Variants in MYH9 observed in about 807,000 individuals in gnomAD.
The protein encoded by MYH9 is myosin-9.
A neutral mutation model predicts 241.9 loss-of-function variants in MYH9; 29 were observed. The ratio of observed to expected loss-of-function variants is 0.12; its 90% CI spans 0.09 to 0.16. The LOEUF is 0.16. Ranked by LOEUF, MYH9 falls within the 10% of genes least tolerant of loss-of-function variation. The pLI is 1.00. For synonymous variants in MYH9, 1,047 were observed against 1,062.6 expected (o/e 0.99, Z 0.29); for missense variants, 1,803 against 2,595.5 (o/e 0.69, Z 6.63).
In MYH9 at chr22:36,285,672, T is replaced by C; in HGVS notation, c.5260A>G (p.Lys1754Glu). 2 of 1,612,524 alleles carry C rather than the reference T, an allele frequency of 1.2e-6. No individual in the cohort carries two copies. Among genetic ancestry groups the C allele is most frequent in the Non-Finnish European group, 1.7e-6 (2 of 1,179,998 alleles). The change falls in exon 37 of 41, where the codon AAG becomes GAG. Residue 1754 changes from lysine (K) to glutamate (E), a missense_variant. Physicochemically the swap from Lys to Glu is moderately conservative, Grantham distance 56. Around this residue, in one of 11 missense-constraint regions of MYH9, gnomAD observed 876 missense variants for 1,077.8 expected, o/e 0.81. Coordinates refer to ENST00000216181, the MANE Select transcript of MYH9 (RefSeq NM_002473.6). The surrounding 1 kb of genome is among the most constrained non-coding windows in gnomAD (Gnocchi z 7.0). ...NTELINDRLK[K>E]ANLQIDQINT... is the part of the protein sequence containing the mutation. ...CTGGCACCCACCTGCAGGTTGGCCT[T>C]CTTCAGCCGGTCGTTGATCAGCTCC...
At chr22:36,356,572 C>A (rs578179046) in intron 1 of MYH9, among the ~76,000 whole-genome samples, 4 of 109,354 alleles carry the variant, frequency 3.7e-5, no homozygotes, top group Admixed American at 3.6e-4. Flanking sequence ...CAGAGTGAGA[C>A]TCCATCTCAA....
chr22:36,305,014 G>A lies in MYH9; in HGVS notation c.2229+19C>T, dbSNP rs1662124927. 6.2e-7 allele frequency: 1 copy of A among 1,612,434 alleles called. No homozygotes were observed. Among genetic ancestry groups the A allele is most frequent in the Non-Finnish European group, 8.5e-7 (1 of 1,178,864 alleles). On this transcript the variant is annotated intron_variant, in intron 18 of 40. Transcript: ENST00000216181. This position sits in a 1 kb window ranked among gnomAD's most constrained non-coding sequence, Gnocchi z 4.7. ...AGGGGCTGCCCATCCAGAGAGGCAGGGACAGCAGCTCAACTCACCATGAGC... is the reference window on the plus strand; with the variant it reads ...AGGGGCTGCCCATCCAGAGAGGCAGAGACAGCAGCTCAACTCACCATGAGC...
chr22:36,288,960 G>A lies in MYH9; in HGVS notation c.4558-21C>T. On this transcript the variant is annotated intron_variant, in intron 32 of 40. Coordinates refer to ENST00000216181, the MANE Select transcript of MYH9 (RefSeq NM_002473.6). This position sits in a 1 kb window ranked among gnomAD's most constrained non-coding sequence, Gnocchi z 4.8. The stretch of plus-strand genomic sequence containing the variant: ...TGGACCTGAGCCCCAGAGAGCCCAA[G>A]TCAGGAGCAAAGGGACTGGCAGGTA... The A allele has an allele frequency of 6.2e-7, 1 of 1,613,668 alleles. No individual in the cohort carries two copies.
In MYH9 at chr22:36,320,140, C is replaced by A; in HGVS notation, c.1012+80G>T. ...CCTCTAGCAGGCTCCCCAGGCCCAT[C>A]GGCTACCCTGATGCCCCGAGGCCGT... On this transcript the variant is annotated intron_variant, in intron 9 of 40. Coordinates refer to ENST00000216181, the MANE Select transcript of MYH9 (RefSeq NM_002473.6). The surrounding 1 kb of genome is among the most constrained non-coding windows in gnomAD (Gnocchi z 4.8). 1.3e-6 allele frequency: 2 copies of A among 1,563,652 alleles called. No homozygotes were observed. Among genetic ancestry groups the A allele is most frequent in the South Asian group, 1.1e-5 (1 of 89,772 alleles).
intron 23 of MYH9, among the ~76,000 whole-genome samples, chr22:36,299,599 C>A (rs2016842366): frequency 6.6e-6 from 1 of 152,204 alleles, no homozygotes; most frequent in Non-Finnish European, 1.5e-5. Context: ...GCCTCCCCAG[C>A]CTTTGGGGCT....
chr22:36,305,955 C>T lies in MYH9; in HGVS notation c.2134G>A (p.Val712Met). 2 of 1,613,380 alleles carry T rather than the reference C, an allele frequency of 1.2e-6. No individual in the cohort carries two copies. Among genetic ancestry groups the T allele is most frequent in the Non-Finnish European group, 1.7e-6 (2 of 1,180,004 alleles). Residue 712 changes from valine (V) to methionine (M), a missense_variant, in exon 17 of 41, where the codon GTG becomes ATG. Transcript: ENST00000216181. This position sits in a 1 kb window ranked among gnomAD's most constrained non-coding sequence, Gnocchi z 4.7. ...RICRQGFPNR[V>M]VFQEFRQRYE... Reference sequence around the variant, plus strand: ...CTCTGCCGAAACTCCTGGAAGACCACCCTGTTGGGGAAGCCCTGGCGGCAG... The same window carrying T: ...CTCTGCCGAAACTCCTGGAAGACCATCCTGTTGGGGAAGCCCTGGCGGCAG...
In MYH9 at chr22:36,374,760, G is replaced by T. The variant is rs1047992137; in HGVS notation, c.-20+13047C>A. Among the ~76,000 whole-genome samples, 6 of 152,314 alleles carry T rather than the reference G, an allele frequency of 3.9e-5. No homozygotes were observed. The East Asian group carries it at 1.2e-3, about 29-fold the overall frequency. ...AAACAAGCCTTCACGGGCCGTCTTGGCCTATGCAGAGGCTGGGTCGTGGCC... is the reference window on the plus strand; with the variant it reads ...AAACAAGCCTTCACGGGCCGTCTTGTCCTATGCAGAGGCTGGGTCGTGGCC... On this transcript the variant is annotated intron_variant, in intron 1 of 40. Transcript: ENST00000216181.
chr22:36,375,901 A>G (rs1380342035), intron 1 of MYH9, among the ~76,000 whole-genome samples: 1 of 151,570 alleles, frequency 6.6e-6, no homozygotes, highest in African/African-American at 2.4e-5. Context: ...AAAAGATAAT[A>G]ATTTTTTAAA....
Position 36,301,620 on chromosome 22 carries a change from C to T in MYH9, c.2545G>A (p.Ala849Thr). Residue 849 changes from alanine to threonine, a missense_variant, in exon 21 of 41, where the codon GCC becomes ACC. Around this residue, in one of 11 missense-constraint regions of MYH9, gnomAD observed 290 missense variants for 360.5 expected, o/e 0.80. Coordinates refer to ENST00000216181, the MANE Select transcript of MYH9 (RefSeq NM_002473.6). ...ACCTTCACCAGCTCCTCCTCCTTGG[C>T]CATCATCTCCTCCTCCTGCCGGCTC... ...QVSRQEEEMM[A>T]KEEELVKVRE... is the part of the protein sequence containing the mutation. The T allele has an allele frequency of 6.2e-7, 1 of 1,613,962 alleles. No individual in the cohort carries two copies. The highest frequency in any genetic ancestry group is 8.5e-7 in the Non-Finnish European group (1 of 1,180,024).
Position 36,285,333 on chromosome 22 carries a change from CAGA to C in MYH9, c.5275-7_5275-5del, listed in dbSNP as rs780656298. ...GGTCGGTGTTGATCTGGTCGATCTG[CAGA>C]AGAAGGGCCAGTGACCTTGGGGAGG... is the stretch of plus-strand genomic sequence containing the variant. On this transcript the variant is annotated splice_region_variant and splice_polypyrimidine_tract_variant and intron_variant, in intron 37 of 40. Transcript: ENST00000216181. This position sits in a 1 kb window ranked among gnomAD's most constrained non-coding sequence, Gnocchi z 7.0. 30 of 1,607,284 alleles carry C rather than the reference CAGA, an allele frequency of 1.9e-5. No individual in the cohort carries two copies. Among genetic ancestry groups the C allele is most frequent in the Admixed American group, 1.2e-4 (7 of 59,992 alleles).
At position 36,286,770 on chromosome 22, in the gene MYH9, T is replaced by C; in HGVS notation, c.5009A>G (p.Glu1670Gly). Residue 1670 changes from glutamate (E) to glycine (G), a missense_variant, in exon 35 of 41, where the codon GAG becomes GGG. Coordinates refer to ENST00000216181, the MANE Select transcript of MYH9 (RefSeq NM_002473.6). ...SREEILAQAK[E>G]NEKKLKSMEA... ...CATGCTCTTCAGCTTCTTCTCGTTC[T>C]CTTTGGCCTGGGCCAGGATCTCCTC... is the stretch of plus-strand genomic sequence containing the variant. 2.5e-6 allele frequency: 4 copies of C among 1,613,252 alleles called. No individual in the cohort carries two copies. Among genetic ancestry groups the C allele is most frequent in the Non-Finnish European group, 3.4e-6 (4 of 1,180,026 alleles).
intron 3 of MYH9, among the ~76,000 whole-genome samples, chr22:36,334,521 C>T (rs1047336379): frequency 6.6e-6 from 1 of 152,246 alleles, no homozygotes; most frequent in African/African-American, 2.4e-5. Flanking sequence ...TATCGCGTTC[C>T]AGTGTGTGGC....
intron 1 of MYH9, among the ~76,000 whole-genome samples, chr22:36,371,915 G>C (rs2018096460): frequency 6.6e-6 from 1 of 151,886 alleles, no homozygotes. Flanking sequence ...GACTTTCCTA[G>C]TAAGTATGTT....
chr22:36,361,017 G>GTTATCTACAGCA (rs1234029039), intron 1 of MYH9, among the ~76,000 whole-genome samples: 1 of 152,150 alleles, frequency 6.6e-6, no homozygotes. Context: ...CTACAGGGTG[G>GTTATCTACAGCA]GTCAATAAAG....
At chr22:36,338,191 G>A (rs1398046243) in intron 3 of MYH9, among the ~76,000 whole-genome samples, 1 of 151,686 alleles carries the variant, frequency 6.6e-6, no homozygotes, top group Non-Finnish European at 1.5e-5. Flanking sequence ...GTAGAGACAG[G>A]GTTTCGCCAT....
chr22:36,352,200 T>A (rs959582249), intron 1 of MYH9, among the ~76,000 whole-genome samples: 1 of 152,154 alleles, frequency 6.6e-6, no homozygotes, highest in African/African-American at 2.4e-5. Context: ...GAGTGTGATG[T>A]GGGGAGTGGA....
chr22:36,316,739 A>G, intron 11 of MYH9, 70 bp from the exon 12 acceptor site: 1 of 1,590,672 alleles, frequency 6.3e-7, no homozygotes, highest in Non-Finnish European at 8.6e-7. Context: ...CCTATGCCCC[A>G]GTAATTTCAC....
rs2016855805 is a variant in MYH9, at chr22:36,300,269, C to CG, written c.2839-6dup. 8.1e-6 allele frequency: 13 copies of CG among 1,612,460 alleles called. No homozygotes were observed. The highest frequency in any genetic ancestry group is 1.1e-5 in the Non-Finnish European group (13 of 1,180,038). On this transcript the variant is annotated splice_region_variant and splice_polypyrimidine_tract_variant and intron_variant, in intron 22 of 40. Coordinates refer to ENST00000216181, the MANE Select transcript of MYH9 (RefSeq NM_002473.6). This position sits in a 1 kb window ranked among gnomAD's most constrained non-coding sequence, Gnocchi z 5.0. ...CTCCAGCTGCTCCTCAAGCTCCTGC[C>CG]GGGGGCCAGAGACACGGTAAGGACA...
chr22:36,301,646 A>G lies in MYH9; in HGVS notation c.2519T>C (p.Val840Ala). 1 of 1,613,744 alleles carries G rather than the reference A, an allele frequency of 6.2e-7. No homozygotes were observed. Among genetic ancestry groups the G allele is most frequent in the Non-Finnish European group, 8.5e-7 (1 of 1,180,004 alleles). ...CATCATCTCCTCCTCCTGCCGGCTC[A>G]CCTGCAGCAGCGGCTTGACCTGGGA... ...LFTKVKPLLQ[V>A]SRQEEEMMAK... Residue 840 changes from valine (V) to alanine (A), a missense_variant, in exon 21 of 41, where the codon GTG becomes GCG. Around this residue, in one of 11 missense-constraint regions of MYH9, gnomAD observed 13 missense variants for 43.8 expected, o/e 0.30. Coordinates refer to ENST00000216181, the MANE Select transcript of MYH9 (RefSeq NM_002473.6).
Sources: allele counts gnomAD v4.1 joint callset (sites outside exome capture counted in the v4.1 genomes callset), GRCh38; gene constraint gnomAD v4.1.1; regional missense constraint gnomAD v4.1.1; non-coding constraint Gnocchi (gnomAD v3.1); transcripts MANE v1.5; gene names NCBI Gene and HGNC (gene_info 2026-07-23, HGNC 2026-07-21).